The following KPNA7 variants were observed in gnomAD, a reference collection of about 807,000 sequenced individuals.
The protein encoded by KPNA7 is karyopherin subunit alpha 7.
In KPNA7, 54 loss-of-function variants were observed where a neutral mutation model predicts 53.7. That is an observed-to-expected ratio of 1.01 (90% CI 0.81 to 1.26). KPNA7 has a LOEUF of 1.26. KPNA7 is among the 50% of genes most tolerant of loss of function. The pLI is 0.00. For synonymous variants in KPNA7, 276 were observed against 259.3 expected, an observed-to-expected ratio of 1.06 and a Z score of -0.62; for missense variants, 640 against 644.5, an observed-to-expected ratio of 0.99 and a Z score of 0.07.
At chr7:99,218,763 G>A (rs561175991) in intron 1 of KPNA7, among the ~76,000 whole-genome samples, 1 of 152,176 alleles carries the variant, frequency 6.6e-6, no homozygotes, top group Admixed American at 6.5e-5. Flanking sequence ...GCCCCCAGAG[G>A]CACCTCCGTG....
chr7:99,172,404 A>G (rs1243972500), downstream of KPNA7, among the ~76,000 whole-genome samples: 1 of 152,210 alleles, frequency 6.6e-6, no homozygotes, highest in Non-Finnish European at 1.5e-5. Context: ...TAAGTATACA[A>G]GAAAGTCATG....
chr7:99,171,536 G>A (rs1490848646), downstream of KPNA7, among the ~76,000 whole-genome samples: 2 of 152,114 alleles, frequency 1.3e-5, no homozygotes, highest in Non-Finnish European at 2.9e-5. Flanking sequence ...CCAACTCCCT[G>A]GCTCAAGCAA....
At chr7:99,153,537 G>A in the KPNA7 span, among the ~76,000 whole-genome samples, 4 of 144,202 alleles carry the variant, frequency 2.8e-5, no homozygotes, top group East Asian at 2.0e-4. Context: ...GTGACAGAGC[G>A]AGACACTGTC....
At chr7:99,202,559 T>G (rs1057407886) in intron 3 of KPNA7, among the ~76,000 whole-genome samples, 4 of 151,942 alleles carry the variant, frequency 2.6e-5, no homozygotes, top group African/African-American at 9.7e-5. Context: ...AATATCACCT[T>G]TTTGGCCAGG....
At chr7:99,163,383 A>ATATTTTTTT in the KPNA7 span, among the ~76,000 whole-genome samples, 4 of 40,804 alleles carry the variant, frequency 9.8e-5, no homozygotes, top group Non-Finnish European at 1.3e-4. Flanking sequence ...ATATATATAT[A>ATATTTTTTT]TTTTTTTTTT....
chr7:99,200,943 G>A (rs888782743), intron 3 of KPNA7, among the ~76,000 whole-genome samples: 12 of 152,132 alleles, frequency 7.9e-5, no homozygotes, highest in Non-Finnish European at 1.8e-4. Context: ...ATTCCAGCCT[G>A]GGTGACAGAG....
intron 3 of KPNA7, among the ~76,000 whole-genome samples, chr7:99,200,307 G>A (rs902296877): frequency 1.3e-5 from 2 of 152,078 alleles, no homozygotes; most frequent in African/African-American, 4.8e-5. Flanking sequence ...CAATGTGTTG[G>A]GATTACAGGC....
rs1563075066 is a variant in KPNA7 at position 99,187,798 on chromosome 7, TTAAAAAAA to T, written c.900+494_900+501del. On this transcript the variant is annotated intron_variant, in intron 7 of 10. Coordinates refer to ENST00000327442, the MANE Select transcript of KPNA7 (RefSeq NM_001145715.3). ...GAGCCACCGTGCCCGGCCTTTTTTTTTAAAAAAAAAAAAAAAAAAAAAAAAAAAAAAAA... is the reference window on the plus strand; with the variant it reads ...GAGCCACCGTGCCCGGCCTTTTTTTTAAAAAAAAAAAAAAAAAAAAAAAAA... 0.011 allele frequency among the ~76,000 whole-genome samples: 31 copies of T among 2,892 alleles called. No homozygotes were observed. The South Asian group carries it at 0.17, about 16-fold the overall frequency. The allele number at this position is 2,892 out of a possible 152,430, so 1.9% of individuals were successfully genotyped here.
At chr7:99,215,303 C>G (rs1435483094) in intron 1 of KPNA7, among the ~76,000 whole-genome samples, 1 of 128,452 alleles carries the variant, frequency 7.8e-6, no homozygotes, top group Non-Finnish European at 1.6e-5. Flanking sequence ...ACCCGGGAGG[C>G]AGAGGTTGCA....
chr7:99,167,716 G>A, the KPNA7 span, among the ~76,000 whole-genome samples: 15 of 132,900 alleles, frequency 1.1e-4, no homozygotes, highest in African/African-American at 4.1e-4. Flanking sequence ...CCTGACCTCA[G>A]GTGATCCGCC....
upstream of KPNA7, among the ~76,000 whole-genome samples, chr7:99,210,028 G>GAA (rs200667226): frequency 6.6e-6 from 1 of 151,982 alleles, no homozygotes; most frequent in South Asian, 2.1e-4. Flanking sequence ...ACAAAAAAAA[G>GAA]AAAAAATCAA....
At chr7:99,167,085 C>CTATCAGGGA in the KPNA7 span, among the ~76,000 whole-genome samples, 3 of 152,258 alleles carry the variant, frequency 2.0e-5, no homozygotes. Flanking sequence ...ACAAGGCTCC[C>CTATCAGGGA]TGATATGACG....
chr7:99,188,353 C>G lies in KPNA7; in HGVS notation c.847G>C (p.Gly283Arg), dbSNP rs1486759654. ...NKRIGQVVNT[G>R]VLPRLVVLMT... ...AGCACTACCAGCCTGGGCAGGACCCCCGTGTTAACCACTTGGCCGATGCGC... is the reference window on the plus strand; with the variant it reads ...AGCACTACCAGCCTGGGCAGGACCCGCGTGTTAACCACTTGGCCGATGCGC... The change falls in exon 7 of 11, where the codon GGG becomes CGG. Residue 283 changes from glycine (G) to arginine (R), a missense_variant. Transcript: ENST00000327442. The G allele has an allele frequency of 1.9e-6, 3 of 1,551,548 alleles. No individual in the cohort carries two copies. The Admixed American group carries it at 5.9e-5, about 30-fold the overall frequency.
chr7:99,203,757 C>G (rs1790664727), intron 2 of KPNA7, among the ~76,000 whole-genome samples: 1 of 152,058 alleles, frequency 6.6e-6, no homozygotes, highest in South Asian at 2.1e-4. Flanking sequence ...GTCACCCAGG[C>G]TGGAGGGCAG....
At chr7:99,177,412 GTC>G (rs1429596351) in intron 10 of KPNA7, among the ~76,000 whole-genome samples, 2 of 151,922 alleles carry the variant, frequency 1.3e-5, no homozygotes, top group African/African-American at 4.8e-5. Flanking sequence ...GGGAAACCCT[GTC>G]TCTACTAAAG....
At chr7:99,167,329 G>A in the KPNA7 span, among the ~76,000 whole-genome samples, 4 of 152,148 alleles carry the variant, frequency 2.6e-5, no homozygotes, top group Non-Finnish European at 4.4e-5. Flanking sequence ...GATAGGAACC[G>A]GGCCACCCAG....
Position 99,182,061 on chromosome 7 carries a change from T to C in KPNA7, c.1139A>G (p.Glu380Gly). The change falls in exon 9 of 11, where the codon GAA becomes GGA. Residue 380 changes from glutamate to glycine, a missense_variant. By Grantham distance (98) the Glu-to-Gly change is moderately conservative. Transcript: ENST00000327442. ...GACAGCCTCTTTCTGGACTTTAAATTCTCCCTGCAGAACAAGAATGTTTCC... is the reference window on the plus strand; with the variant it reads ...GACAGCCTCTTTCTGGACTTTAAATCCTCCCTGCAGAACAAGAATGTTTCC... ...PPLVALLKNG[E>G]FKVQKEAVWM... The C allele has an allele frequency of 6.5e-7, 1 of 1,531,378 alleles. No individual in the cohort carries two copies. Among genetic ancestry groups the C allele is most frequent in the South Asian group, 1.2e-5 (1 of 82,554 alleles). The allele number at this position is 1,531,378 out of a possible 1,614,324, so 94.9% of individuals were successfully genotyped here.
chr7:99,195,933 A>G, intron 4 of KPNA7, 151 bp downstream of exon 4: 3 of 636,742 alleles, frequency 4.7e-6, no homozygotes, highest in Non-Finnish European at 8.4e-6. Context: ...GTAGAATAGC[A>G]ATTTCGTCTT....
intron 7 of KPNA7, among the ~76,000 whole-genome samples, chr7:99,187,787 G>A (rs1225690840): frequency 1.8e-5 from 2 of 111,090 alleles, no homozygotes; most frequent in South Asian, 3.1e-4. Flanking sequence ...CACCGTGCCC[G>A]GCCTTTTTTT....
Sources: allele counts gnomAD v4.1 joint callset (sites outside exome capture counted in the v4.1 genomes callset), GRCh38; gene constraint gnomAD v4.1.1; transcripts MANE v1.5; gene names NCBI Gene and HGNC (gene_info 2026-07-23, HGNC 2026-07-21).